The following SRD5A2 variants were observed in gnomAD, a reference collection of about 807,000 sequenced individuals.
SRD5A2 encodes 3-oxo-5-alpha-steroid 4-dehydrogenase 2.
SRD5A2 carries 30 observed loss-of-function variants against 27.4 expected under a neutral mutation model. The observed-to-expected ratio is 1.10, with a 90% CI of 0.82 to 1.49. SRD5A2 has a LOEUF of 1.49. SRD5A2 is among the 40% of genes most tolerant of loss of function. SRD5A2 has a pLI of 0.00. For synonymous variants in SRD5A2, 141 were observed against 133.6 expected (o/e 1.06, Z -0.38); for missense variants, 348 against 323.4 (o/e 1.08, Z -0.58).
chr2:31,586,903 C>T, the SRD5A2 span, among the ~76,000 whole-genome samples: 3 of 152,106 alleles, frequency 2.0e-5, no homozygotes, highest in Non-Finnish European at 4.4e-5. Flanking sequence ...TGGACCAATC[C>T]TGGAGAAACA....
chr2:31,580,476 C>G lies in SRD5A2; in HGVS notation c.281+144G>C. The G allele has an allele frequency of 2.8e-6, 3 of 1,067,538 alleles. 1 individual carries two copies. The South Asian group carries it at 5.4e-5, about 19-fold the overall frequency. 66.1% of individuals were successfully genotyped at this position (1,067,538 alleles called of 1,614,324 possible). ...CCCCGGCCCCGGCCCCCGCCAGGTGCGCCAGGCAGGCTGGCCTCCGCGTTC... is the reference window on the plus strand; with the variant it reads ...CCCCGGCCCCGGCCCCCGCCAGGTGGGCCAGGCAGGCTGGCCTCCGCGTTC... On this transcript the variant is annotated intron_variant, in intron 1 of 4. Transcript: ENST00000622030.
intron 1 of SRD5A2, among the ~76,000 whole-genome samples, chr2:31,564,539 A>G (rs1352235842): frequency 6.6e-6 from 1 of 151,974 alleles, no homozygotes; most frequent in Admixed American, 6.6e-5. Flanking sequence ...ACTCAAGCTC[A>G]TGGATTCAAG....
chr2:31,642,949 T>C, the SRD5A2 span, among the ~76,000 whole-genome samples: 1 of 152,016 alleles, frequency 6.6e-6, no homozygotes, highest in Non-Finnish European at 1.5e-5. Flanking sequence ...CTTCCATTTA[T>C]ATAATGTTCC....
chr2:31,570,926 T>A (rs993478623), intron 1 of SRD5A2, among the ~76,000 whole-genome samples: 1 of 152,182 alleles, frequency 6.6e-6, no homozygotes, highest in African/African-American at 2.4e-5. Flanking sequence ...AGAATCAATA[T>A]TGTTAAAATG....
intron 1 of SRD5A2, among the ~76,000 whole-genome samples, chr2:31,557,414 T>C (rs1666521459): frequency 6.6e-6 from 1 of 152,240 alleles, no homozygotes; most frequent in Non-Finnish European, 1.5e-5. Flanking sequence ...AGTCTATGTC[T>C]ACACAGAGAA....
At chr2:31,636,301 T>G in the SRD5A2 span, among the ~76,000 whole-genome samples, 2 of 152,108 alleles carry the variant, frequency 1.3e-5, no homozygotes, top group African/African-American at 4.8e-5. Flanking sequence ...ATAGCTGTCA[T>G]AAATGAGGTT....
the SRD5A2 span, among the ~76,000 whole-genome samples, chr2:31,622,364 A>G: frequency 3.3e-5 from 5 of 152,156 alleles, no homozygotes; most frequent in African/African-American, 7.2e-5. Flanking sequence ...TCTTTATTCA[A>G]TCTATAATTG....
rs1431517438 is a variant in SRD5A2 at position 31,524,999 on chromosome 2, GT to G, written c.*1196del. 4.7e-6 allele frequency: 1 copy of G among 212,940 alleles called. No homozygotes were observed. The highest frequency in any genetic ancestry group is 9.5e-6 in the Non-Finnish European group (1 of 105,686). 13.2% of individuals were successfully genotyped at this position (212,940 alleles called of 1,614,324 possible). A position where few individuals can be genotyped will look rare whatever the true frequency, so the allele number is the denominator to read the frequency against. On this transcript the variant is annotated 3_prime_UTR_variant, in exon 5 of 5. Coordinates refer to ENST00000622030, the MANE Select transcript of SRD5A2 (RefSeq NM_000348.4). ...TTTTAAATGAAACTAGAATGCTAGA[GT>G]TTTATGAAGGAATCTCCTGATTTTT...
chr2:31,662,810 G>T, the SRD5A2 span, among the ~76,000 whole-genome samples: 310 of 152,266 alleles, frequency 2.0e-3, no homozygotes, highest in African/African-American at 6.8e-3. Context: ...TCTCTATTCA[G>T]CTCTTTTAGC....
At chr2:31,566,079 T>A (rs1192639584) in intron 1 of SRD5A2, among the ~76,000 whole-genome samples, 3 of 152,112 alleles carry the variant, frequency 2.0e-5, no homozygotes, top group Middle Eastern at 3.4e-3. Flanking sequence ...TTCCTAAACA[T>A]TTGGAAACTA....
In SRD5A2 at chr2:31,522,700, A is replaced by G; in HGVS notation, c.*3496T>C. ...AGAACTCACATTGCCACCCGGCTCT[A>G]TGCCTCTTTCATCATAGGATAGTGT... On this transcript the variant is annotated 3_prime_UTR_variant, in exon 5 of 5. Transcript: ENST00000622030. 4.5e-6 allele frequency: 1 copy of G among 222,636 alleles called. No homozygotes were observed. The highest frequency in any genetic ancestry group is 6.5e-5 in the East Asian group (1 of 15,308). The allele number at this position is 222,636 out of a possible 1,614,324, so 13.8% of individuals were successfully genotyped here.
intron 2 of SRD5A2, 37 bp downstream of exon 2, chr2:31,533,566 G>C: frequency 6.5e-7 from 1 of 1,543,188 alleles, no homozygotes; most frequent in Non-Finnish European, 8.8e-7. Flanking sequence ...AGGGTTGTTA[G>C]CTGGGAAGTA....
the SRD5A2 span, among the ~76,000 whole-genome samples, chr2:31,638,207 T>C: frequency 6.6e-6 from 1 of 152,102 alleles, no homozygotes; most frequent in Non-Finnish European, 1.5e-5. Context: ...CAGGATCCGG[T>C]TGTTTGATAT....
chr2:31,592,124 AG>A, the SRD5A2 span, among the ~76,000 whole-genome samples: 1 of 151,894 alleles, frequency 6.6e-6, no homozygotes, highest in African/African-American at 2.4e-5. Context: ...CCCAAAAAAA[AG>A]AAAGAATATA....
chr2:31,523,688 T>A lies in SRD5A2; in HGVS notation c.*2508A>T, dbSNP rs138435511. On this transcript the variant is annotated 3_prime_UTR_variant, in exon 5 of 5. Coordinates refer to ENST00000622030, the MANE Select transcript of SRD5A2 (RefSeq NM_000348.4). The stretch of plus-strand genomic sequence containing the variant: ...TCTTGTGAGCTAGGACACTGTTAGA[T>A]TATTTTAGCCAAAAAACAGTCCATG... The A allele has an allele frequency of 5.6e-4, 125 of 221,524 alleles. No homozygotes were observed. Among genetic ancestry groups the A allele is most frequent in the African/African-American group, 2.7e-3 (120 of 44,834 alleles). 13.7% of individuals were successfully genotyped at this position (221,524 alleles called of 1,614,324 possible).
At chr2:31,534,135 A>G (rs1665974077) in intron 1 of SRD5A2, among the ~76,000 whole-genome samples, 1 of 152,230 alleles carries the variant, frequency 6.6e-6, no homozygotes, top group Admixed American at 6.5e-5. Flanking sequence ...TTGAAAAAGA[A>G]CTAAATAAAA....
At chr2:31,537,037 C>T (rs1451366385) in intron 1 of SRD5A2, among the ~76,000 whole-genome samples, 1 of 151,974 alleles carries the variant, frequency 6.6e-6, no homozygotes, top group Admixed American at 6.6e-5. Context: ...CAAATTAAAC[C>T]AAAGAAAAGA....
upstream of SRD5A2, chr2:31,581,064 C>T: frequency 1.4e-6 from 1 of 695,680 alleles, no homozygotes; most frequent in Non-Finnish European, 2.3e-6. Flanking sequence ...TGGCGCGGTT[C>T]GCAGCAATAC....
chr2:31,570,369 C>T (rs1255707397), intron 1 of SRD5A2, among the ~76,000 whole-genome samples: 2 of 152,064 alleles, frequency 1.3e-5, no homozygotes, highest in African/African-American at 4.8e-5. Flanking sequence ...ATTAAAGAAA[C>T]ATAATTCAAA....
Sources: allele counts gnomAD v4.1 joint callset (sites outside exome capture counted in the v4.1 genomes callset), GRCh38; gene constraint gnomAD v4.1.1; transcripts MANE v1.5; gene names NCBI Gene and HGNC (gene_info 2026-07-23, HGNC 2026-07-21).